USF3: variants seen among roughly 807,000 people sequenced by gnomAD.
USF3 encodes the protein basic helix-loop-helix domain-containing protein USF3.
A neutral mutation model predicts 157.5 loss-of-function variants in USF3; 29 were observed. That is an observed-to-expected ratio of 0.18 (90% confidence interval 0.14 to 0.25). USF3 has a LOEUF of 0.25. Among genes scored for constraint, USF3 ranks in the 10% least tolerant of loss-of-function variants. USF3 has a pLI of 1.00. For missense variants in USF3, 2,381 were observed against 2,667.6 expected, an observed-to-expected ratio of 0.89 and a Z score of 2.37; for synonymous variants, 893 against 941.4, an observed-to-expected ratio of 0.95 and a Z score of 0.94.
chr3:113,692,762 A>G (rs1707712099), intron 1 of USF3, among the ~76,000 whole-genome samples: 1 of 152,236 alleles, frequency 6.6e-6, no homozygotes, highest in South Asian at 2.1e-4. Flanking sequence ...TGTCCTACTG[A>G]TCTAATTAAA....
intron 1 of USF3, among the ~76,000 whole-genome samples, chr3:113,692,885 A>G (rs1707715918): frequency 6.6e-6 from 1 of 152,234 alleles, no homozygotes; most frequent in Non-Finnish European, 1.5e-5. Flanking sequence ...GAGTTCCACA[A>G]ATATTTTATG....
In USF3 at chr3:113,652,914, G is replaced by T; in HGVS notation, c.*2030C>A. ...AGAGGCTGCAGTGAGCCAAGATCCT[G>T]CCATTGTAGACTCCAGCCTGGGTGA... On this transcript the variant is annotated 3_prime_UTR_variant, in exon 7 of 7. Coordinates refer to ENST00000316407, the MANE Select transcript of USF3 (RefSeq NM_001009899.4). 1 of 525,806 alleles carries T rather than the reference G, an allele frequency of 1.9e-6. No homozygotes were observed. The highest frequency in any genetic ancestry group is 3.2e-6 in the Non-Finnish European group (1 of 316,168). The allele number at this position is 525,806 out of a possible 1,614,324, so 32.6% of individuals were successfully genotyped here.
chr3:113,665,655 G>A (rs993947771), intron 5 of USF3, among the ~76,000 whole-genome samples: 5 of 151,552 alleles, frequency 3.3e-5, no homozygotes, highest in Admixed American at 6.6e-5. Context: ...GCAAAATCCC[G>A]TCTCTATCAA....
chr3:113,691,610 A>G (rs779293288), intron 1 of USF3, among the ~76,000 whole-genome samples: 2 of 152,200 alleles, frequency 1.3e-5, no homozygotes, highest in Admixed American at 6.5e-5. Context: ...CACAAGGAGA[A>G]TATCTTGCTG....
chr3:113,660,331 A>G lies in USF3; in HGVS notation c.1351T>C (p.Ser451Pro). Residue 451 changes from serine to proline, a missense_variant, in exon 7 of 7, where the codon TCT becomes CCT. Ser to Pro is a moderately conservative substitution (Grantham distance 74, BLOSUM62 -1). Around this residue, in one of 6 missense-constraint regions of USF3, gnomAD observed 1,435 missense variants for 1,550.9 expected, o/e 0.93. Coordinates refer to ENST00000316407, the MANE Select transcript of USF3 (RefSeq NM_001009899.4). ...TTTAATACTGGAGTCACAGCAGAAG[A>G]TGGTGTCTGGCTTAAGGGCTGAATA... ...NTIQPLSQTPSSAVTPVLNES... is the reference protein window; with the variant it reads ...NTIQPLSQTPPSAVTPVLNES... The G allele has an allele frequency of 6.2e-7, 1 of 1,614,196 alleles. No individual in the cohort carries two copies. The highest frequency in any genetic ancestry group is 8.5e-7 in the Non-Finnish European group (1 of 1,180,034).
intron 2 of USF3, among the ~76,000 whole-genome samples, chr3:113,675,561 ATTAATATATTAATCATAGTTAAG>A (rs1175217628): frequency 6.6e-6 from 1 of 152,226 alleles, no homozygotes; most frequent in Non-Finnish European, 1.5e-5. Flanking sequence ...AAGCAAATAC[ATTAATATATTAATCATAGTTAAG>A]TAAGGGTAGT....
chr3:113,655,396 G>T lies in USF3; in HGVS notation c.6286C>A (p.Pro2096Thr). The T allele has an allele frequency of 6.2e-7, 1 of 1,614,154 alleles. No individual in the cohort carries two copies. Among genetic ancestry groups the T allele is most frequent in the East Asian group, 2.2e-5 (1 of 44,876 alleles). ...TGCGGATCTACCGGGATGAGGGCTG[G>T]AGTTCGAGTGGCACTAGGCTGAGTA... ...QVTQPSATRT[P>T]ALIPVDPQNT... is the part of the protein sequence containing the mutation. The change falls in exon 7 of 7, where the codon CCA (proline) becomes ACA (threonine). Residue 2096 changes from proline to threonine, a missense_variant. By Grantham distance (38) the Pro-to-Thr change is conservative (BLOSUM62 -1). Transcript: ENST00000316407.
In USF3 at chr3:113,650,554, G is replaced by A. The variant is rs1300703273; in HGVS notation, c.*4390C>T. 1 of 152,164 alleles carries A rather than the reference G, an allele frequency of 6.6e-6. No homozygotes were observed. The highest frequency in any genetic ancestry group is 2.4e-5 in the African/African-American group (1 of 41,422). 9.4% of individuals were successfully genotyped at this position (152,164 alleles called of 1,614,324 possible). ...CCTATCAAAGGGAAGATAAAGCTAA[G>A]AAGATGCATATTCATAAGATTTTAC... is the stretch of plus-strand genomic sequence containing the variant. On this transcript the variant is annotated 3_prime_UTR_variant, in exon 7 of 7. Transcript: ENST00000316407.
intron 4 of USF3, among the ~76,000 whole-genome samples, chr3:113,670,876 G>A (rs1268097212): frequency 6.6e-6 from 1 of 151,850 alleles, no homozygotes; most frequent in African/African-American, 2.4e-5. Context: ...CGAATAGCTG[G>A]GACCACAGGC....
At chr3:113,691,478 T>G (rs1707682478) in intron 1 of USF3, among the ~76,000 whole-genome samples, 1 of 152,242 alleles carries the variant, frequency 6.6e-6, no homozygotes. Context: ...TTTGGCCTTC[T>G]GACAATAATA....
chr3:113,679,598 G>C (rs137868209), intron 1 of USF3, among the ~76,000 whole-genome samples: 1 of 151,874 alleles, frequency 6.6e-6, no homozygotes, highest in East Asian at 1.9e-4. Flanking sequence ...ATTTTTAGTA[G>C]AGACGGGGTT....
At chr3:113,663,379 T>G (rs1466178870) in intron 6 of USF3, among the ~76,000 whole-genome samples, 3 of 152,164 alleles carry the variant, frequency 2.0e-5, no homozygotes, top group Admixed American at 6.5e-5. Context: ...CCTCAAATGG[T>G]TACTAAACAT....
intron 5 of USF3, among the ~76,000 whole-genome samples, chr3:113,668,420 G>A (rs548138955): frequency 3.3e-5 from 5 of 151,592 alleles, no homozygotes; most frequent in Non-Finnish European, 5.9e-5. Flanking sequence ...GGAGACTGAT[G>A]GGTTCTTCTC....
intron 4 of USF3, among the ~76,000 whole-genome samples, chr3:113,672,076 T>A (rs1707165246): frequency 6.6e-6 from 1 of 151,816 alleles, no homozygotes; most frequent in South Asian, 2.1e-4. Context: ...TGGCCTAGCA[T>A]CCTTTTCAAT....
intron 6 of USF3, among the ~76,000 whole-genome samples, chr3:113,661,694 A>G (rs1310701076): frequency 6.6e-6 from 1 of 152,226 alleles, no homozygotes; most frequent in African/African-American, 2.4e-5. Flanking sequence ...TCCCAATTCA[A>G]AAATTTCCAG....
rs1210012115 is a variant in USF3 at position 113,652,324 on chromosome 3, A to C, written c.*2620T>G. The stretch of plus-strand genomic sequence containing the variant: ...AATTCAGTTAAGAGAATTAAAAAGC[A>C]AGTCATAAATGCCACATTTTTCCTC... On this transcript the variant is annotated 3_prime_UTR_variant, in exon 7 of 7. Transcript: ENST00000316407. 1 of 152,184 alleles carries C rather than the reference A, an allele frequency of 6.6e-6. No homozygotes were observed. Among genetic ancestry groups the C allele is most frequent in the Non-Finnish European group, 1.5e-5 (1 of 68,024 alleles). The allele number at this position is 152,184 out of a possible 1,614,324, so 9.4% of individuals were successfully genotyped here. A position where few individuals can be genotyped will look rare whatever the true frequency, so the allele number is the denominator to read the frequency against.
At chr3:113,683,501 G>A (rs557296783) in intron 1 of USF3, among the ~76,000 whole-genome samples, 96 of 109,710 alleles carry the variant, frequency 8.8e-4, no homozygotes, top group South Asian at 5.5e-3. Context: ...ATGGAGTCTC[G>A]CTCTGTCGCC....
Position 113,659,633 on chromosome 3 carries a change from T to C in USF3, c.2049A>G (p.Thr683=). The C allele has an allele frequency of 6.2e-7, 1 of 1,614,222 alleles. No homozygotes were observed. Among genetic ancestry groups the C allele is most frequent in the Non-Finnish European group, 8.5e-7 (1 of 1,180,018 alleles). ...GAATAATTTGCATAGGGGTTTGATT[T>C]GTAGTTCCTGATGAAGACATCACAG... is the stretch of plus-strand genomic sequence containing the variant. ...LQPVMSSSGT[T]NQTPMQIIQP... The change falls in exon 7 of 7, where the codon ACA becomes ACG. Residue 683 remains threonine (T), a synonymous_variant. Transcript: ENST00000316407.
rs760926054 is a variant in USF3, at chr3:113,660,237, T to C, written c.1445A>G (p.Asn482Ser). 5 of 1,614,206 alleles carry C rather than the reference T, an allele frequency of 3.1e-6. No individual in the cohort carries two copies. Among genetic ancestry groups the C allele is most frequent in the Non-Finnish European group, 3.4e-6 (4 of 1,180,020 alleles). The part of the protein sequence containing the change: ...RYVATDINLN[N>S]SFPADGQPVE... ...TGGCTGCCCATCTGCTGGAAAGGAA[T>C]TATTCAAGTTGATGTCTGTAGCCAC... Residue 482 changes from asparagine to serine, a missense_variant, in exon 7 of 7, where the codon AAT becomes AGT. Coordinates refer to ENST00000316407, the MANE Select transcript of USF3 (RefSeq NM_001009899.4).
Sources: allele counts gnomAD v4.1 joint callset (sites outside exome capture counted in the v4.1 genomes callset), GRCh38; gene constraint gnomAD v4.1.1; regional missense constraint gnomAD v4.1.1; transcripts MANE v1.5; gene names NCBI Gene and HGNC (gene_info 2026-07-23, HGNC 2026-07-21).